ABCC8: variants seen among roughly 807,000 people sequenced by gnomAD.
ABCC8 encodes ATP binding cassette subfamily C member 8, also known as ATP-binding cassette sub-family C member 8.
A neutral mutation model predicts 188.0 loss-of-function variants in ABCC8; 137 were observed. The observed-to-expected ratio is 0.73, with a 90% CI of 0.63 to 0.84. The LOEUF (loss-of-function observed/expected upper bound fraction) is 0.84. ABCC8 is among the 40% of genes least tolerant of loss of function. The probability of loss-of-function intolerance (pLI) is 0.00; values close to 1 mark genes in which losing one functional copy is unlikely to be tolerated. For missense variants in ABCC8, 1,750 were observed against 2,072.7 expected, an observed-to-expected ratio of 0.84 and a Z score of 3.02; for synonymous variants, 797 against 846.5, an observed-to-expected ratio of 0.94 and a Z score of 1.01.
At chr11:17,423,390 C>T (rs529650039) in intron 16 of ABCC8, among the ~76,000 whole-genome samples, 80 of 131,890 alleles carry the variant, frequency 6.1e-4, no homozygotes, top group African/African-American at 1.7e-3. Context: ...GCAGGGGCCA[C>T]GTCTTAGTCA....
In ABCC8 at chr11:17,448,521, C is replaced by T; in HGVS notation, c.1327G>A (p.Val443Ile). ...FLCPNLWAMPVQIIVGVILLY... is the reference protein window; with the variant it reads ...FLCPNLWAMPIQIIVGVILLY... The stretch of plus-strand genomic sequence containing the variant: ...CCCCTCAGCCCATCTAGTACCTGTA[C>T]TGGCATAGCCCAGAGGTTTGGGCAC... Residue 443 changes from valine (V) to isoleucine (I), a missense_variant, in exon 8 of 39, where the codon GTA (valine) becomes ATA (isoleucine). Coordinates refer to ENST00000389817, the MANE Select transcript of ABCC8 (RefSeq NM_000352.6). 1.9e-6 allele frequency: 3 copies of T among 1,614,078 alleles called. No individual in the cohort carries two copies. Among genetic ancestry groups the T allele is most frequent in the East Asian group, 2.2e-5 (1 of 44,884 alleles).
intron 19 of ABCC8, among the ~76,000 whole-genome samples, chr11:17,413,835 T>C (rs1343660434): frequency 6.6e-6 from 1 of 152,170 alleles, no homozygotes; most frequent in Non-Finnish European, 1.5e-5. Context: ...GCAGTAATGA[T>C]GATGGCTGGT....
At chr11:17,428,221 C>T in intron 14 of ABCC8, 68 bp downstream of exon 14, 11 of 1,608,782 alleles carry the variant, frequency 6.8e-6, no homozygotes, top group Non-Finnish European at 9.3e-6. Flanking sequence ...AGCTTTCTGG[C>T]TTTCCAGGTG....
chr11:17,432,824 A>G (rs999595053), intron 10 of ABCC8, among the ~76,000 whole-genome samples: 3 of 152,154 alleles, frequency 2.0e-5, no homozygotes, highest in Non-Finnish European at 1.5e-5. Context: ...TCTGTTAAAC[A>G]TGTGGCCTTT....
intron 2 of ABCC8, among the ~76,000 whole-genome samples, chr11:17,473,365 G>C (rs911223540): frequency 2.6e-5 from 4 of 152,124 alleles, no homozygotes; most frequent in African/African-American, 7.2e-5. Flanking sequence ...AGGCAGAGCT[G>C]CTGCCTCCAA....
intron 18 of ABCC8, among the ~76,000 whole-genome samples, chr11:17,414,898 G>C (rs570549507): frequency 3.3e-5 from 5 of 152,234 alleles, no homozygotes; most frequent in Non-Finnish European, 5.9e-5. Context: ...GAGCCCAAAA[G>C]TGTGACCAAA....
At chr11:17,406,359 A>T in intron 26 of ABCC8, 1 of 539,450 alleles carries the variant, frequency 1.9e-6, no homozygotes, top group Admixed American at 3.2e-5. Context: ...CTTTACTTGG[A>T]TGTGCAGACG....
intron 16 of ABCC8, among the ~76,000 whole-genome samples, chr11:17,425,931 T>A (rs7936872): frequency 6.6e-6 from 1 of 151,074 alleles, no homozygotes; most frequent in Admixed American, 6.6e-5. Flanking sequence ...TGAGAACATG[T>A]GGTATTTGCT....
At chr11:17,408,220 T>G (rs1242655398) in intron 23 of ABCC8, 172 bp downstream of exon 23, 1 of 627,582 alleles carries the variant, frequency 1.6e-6, no homozygotes, top group Non-Finnish European at 2.8e-6. Context: ...CCTGGGCACC[T>G]GGCACAGGTA....
intron 3 of ABCC8, among the ~76,000 whole-genome samples, chr11:17,469,056 T>TCCCCC (rs113636074): frequency 1.8e-4 from 24 of 134,016 alleles, no homozygotes; most frequent in Admixed American, 3.1e-4. Context: ...TCTCCCTCCC[T>TCCCCC]CCTCCCTCCC....
intron 33 of ABCC8, 125 bp downstream of exon 33, chr11:17,396,791 T>G (rs1953951499): frequency 8.0e-7 from 1 of 1,248,568 alleles, no homozygotes; most frequent in Non-Finnish European, 1.1e-6. Flanking sequence ...GACTGCGATG[T>G]CTGAATAGTG....
chr11:17,473,264 G>T (rs1848577095), intron 2 of ABCC8, among the ~76,000 whole-genome samples: 1 of 151,966 alleles, frequency 6.6e-6, no homozygotes, highest in Non-Finnish European at 1.5e-5. Flanking sequence ...TTTGGAAGGG[G>T]TGTAGGGGTG....
In ABCC8 at chr11:17,428,568, C is replaced by G. The variant is rs146156937; in HGVS notation, c.1920G>C (p.Ala640=). Reference sequence around the variant, plus strand: ...CAAGGGGAGGCCGGGCACTCACCACCGCCTGGTACTTGCTGGCTGGGCCCT... The same window carrying G: ...CAAGGGGAGGCCGGGCACTCACCACGGCCTGGTACTTGCTGGCTGGGCCCT... ...TPQGPASKYQ[A]VPLRVVNRKR... is the part of the protein sequence containing the mutation. Residue 640 remains alanine (A), a synonymous_variant, in exon 13 of 39, where the codon GCG becomes GCC. Transcript: ENST00000389817. 6.2e-7 allele frequency: 1 copy of G among 1,614,052 alleles called. No homozygotes were observed.
At chr11:17,455,872 G>T (rs550640041) in intron 6 of ABCC8, among the ~76,000 whole-genome samples, 2 of 150,268 alleles carry the variant, frequency 1.3e-5, no homozygotes, top group African/African-American at 4.9e-5. Flanking sequence ...CCAGGAGGCA[G>T]AGGTTGCAGT....
chr11:17,407,016 G>A lies in ABCC8; in HGVS notation c.3034C>T (p.Leu1012=), dbSNP rs758963677. The A allele has an allele frequency of 6.2e-7, 1 of 1,614,202 alleles. No homozygotes were observed. The highest frequency in any genetic ancestry group is 1.1e-5 in the South Asian group (1 of 91,084). The change falls in exon 25 of 39, where the codon CTG becomes TTG. Residue 1012 remains leucine, a synonymous_variant. Transcript: ENST00000389817. ...AGCTGTGAGAAGACCAGCAACGACAGGAGCAGGATGCCGGCGGAGGACAGG... is the reference window on the plus strand; with the variant it reads ...AGCTGTGAGAAGACCAGCAACGACAAGAGCAGGATGCCGGCGGAGGACAGG... ...KYLSSAGILL[L]SLLVFSQLLK...
chr11:17,395,570 G>A (rs747916331), intron 35 of ABCC8, 40 bp downstream of exon 35: 56 of 1,542,352 alleles, frequency 3.6e-5, no homozygotes, highest in East Asian at 2.0e-4. Context: ...GAACTGAGCC[G>A]GCCTGGGGCT....
intron 16 of ABCC8, among the ~76,000 whole-genome samples, chr11:17,422,745 A>G (rs978967390): frequency 6.6e-6 from 1 of 152,186 alleles, no homozygotes; most frequent in Non-Finnish European, 1.5e-5. Flanking sequence ...CCTTTGGGTT[A>G]AATCTTACTT....
Position 17,428,238 on chromosome 11 carries a change from T to A in ABCC8, c.2040+51A>T, listed in dbSNP as rs997566039. 3.7e-6 allele frequency: 6 copies of A among 1,612,308 alleles called. No homozygotes were observed. The African/African-American group carries it at 8.0e-5, about 22-fold the overall frequency. ...CTTTCTGGCTTTCCAGGTGCTGAGC[T>A]CCCTCTGGGAGTTGGTGCTGGGTGG... On this transcript the variant is annotated intron_variant, in intron 14 of 38. Transcript: ENST00000389817.
At chr11:17,466,259 C>T (rs1340757570) in intron 3 of ABCC8, among the ~76,000 whole-genome samples, 1 of 151,922 alleles carries the variant, frequency 6.6e-6, no homozygotes, top group African/African-American at 2.4e-5. Context: ...ATTAGCCAGG[C>T]GTGGTGGCAG....
Sources: allele counts gnomAD v4.1 joint callset (sites outside exome capture counted in the v4.1 genomes callset), GRCh38; gene constraint gnomAD v4.1.1; transcripts MANE v1.5; gene names NCBI Gene and HGNC (gene_info 2026-07-23, HGNC 2026-07-21).